GAB2: variants seen among roughly 807,000 people sequenced by gnomAD.
GAB2 encodes GRB2-associated-binding protein 2.
A neutral mutation model predicts 65.5 loss-of-function variants in GAB2; 26 were observed. The ratio of observed to expected loss-of-function variants is 0.40; its 90% CI spans 0.29 to 0.55. The LOEUF (loss-of-function observed/expected upper bound fraction) is 0.55. Ranked by LOEUF, GAB2 falls within the 20% of genes least tolerant of loss-of-function variation. GAB2 has a pLI of 0.53. For synonymous variants in GAB2, 321 were observed against 329.6 expected (o/e 0.97, Z 0.28); for missense variants, 884 against 875.8 (o/e 1.01, Z -0.12).
At chr11:78,293,821 G>C (rs956729196) in intron 1 of GAB2, among the ~76,000 whole-genome samples, 1 of 152,336 alleles carries the variant, frequency 6.6e-6, no homozygotes, top group Middle Eastern at 3.4e-3. Context: ...CCAACCGAGA[G>C]AGAGCAAGAG....
intron 1 of GAB2, among the ~76,000 whole-genome samples, chr11:78,360,938 T>C (rs1418811355): frequency 2.0e-5 from 3 of 151,998 alleles, no homozygotes; most frequent in African/African-American, 7.2e-5. Flanking sequence ...GTAAAGTTCA[T>C]AAAGAAAAAC....
chr11:78,416,247 T>C (rs759974213), intron 1 of GAB2, among the ~76,000 whole-genome samples: 23 of 152,210 alleles, frequency 1.5e-4, no homozygotes, highest in Admixed American at 2.6e-4. Flanking sequence ...TAAATCCACG[T>C]CCACTTTCAA....
At chr11:78,240,689 G>A (rs1015172358) in intron 3 of GAB2, among the ~76,000 whole-genome samples, 1 of 152,164 alleles carries the variant, frequency 6.6e-6, no homozygotes, top group Non-Finnish European at 1.5e-5. Context: ...ATTGACTCAG[G>A]TTCCCAAATT....
intron 1 of GAB2, among the ~76,000 whole-genome samples, chr11:78,415,939 CTTTTT>C (rs1303081510): frequency 3.3e-3 from 421 of 128,998 alleles, no homozygotes; most frequent in African/African-American, 0.011. Context: ...TTAAGGGTCA[CTTTTT>C]TTTTTTTTTT....
At chr11:78,244,633 C>T (rs897380843) in intron 3 of GAB2, among the ~76,000 whole-genome samples, 3 of 86,170 alleles carry the variant, frequency 3.5e-5, no homozygotes, top group African/African-American at 4.9e-5. Flanking sequence ...ATCTTTCAAA[C>T]GAAGACAGAA....
intron 1 of GAB2, among the ~76,000 whole-genome samples, chr11:78,351,982 G>A (rs1013550941): frequency 4.6e-5 from 7 of 152,206 alleles, no homozygotes; most frequent in African/African-American, 1.7e-4. Context: ...GGAGGCCGAA[G>A]TGGAAGGATC....
intron 1 of GAB2, among the ~76,000 whole-genome samples, chr11:78,357,746 T>C (rs1214528845): frequency 6.6e-6 from 1 of 152,140 alleles, no homozygotes; most frequent in African/African-American, 2.4e-5. Context: ...CACAATGAGA[T>C]ACCATCTCAC....
chr11:78,235,749 T>C (rs1393972510), intron 3 of GAB2, among the ~76,000 whole-genome samples: 1 of 152,210 alleles, frequency 6.6e-6, no homozygotes, highest in African/African-American at 2.4e-5. Flanking sequence ...CTGGACCTTA[T>C]TGTCCATATC....
At chr11:78,394,090 C>T (rs1856865462) in intron 1 of GAB2, among the ~76,000 whole-genome samples, 1 of 152,082 alleles carries the variant, frequency 6.6e-6, no homozygotes, top group Admixed American at 6.5e-5. Context: ...AGATCAAGAC[C>T]ATCTTGGCCA....
intron 1 of GAB2, among the ~76,000 whole-genome samples, chr11:78,329,853 T>C (rs1034487764): frequency 1.3e-5 from 2 of 152,228 alleles, no homozygotes; most frequent in Admixed American, 6.5e-5. Flanking sequence ...ATCAATTCCA[T>C]TCCCCTTCTA....
At chr11:78,405,330 C>T (rs914924188) in intron 1 of GAB2, among the ~76,000 whole-genome samples, 1 of 152,116 alleles carries the variant, frequency 6.6e-6, no homozygotes, top group Admixed American at 6.5e-5. Flanking sequence ...GATCTCCTGA[C>T]CTCTGTGATC....
intron 1 of GAB2, among the ~76,000 whole-genome samples, chr11:78,385,940 A>G (rs1028480840): frequency 1.3e-5 from 2 of 150,578 alleles, no homozygotes; most frequent in Non-Finnish European, 3.0e-5. Flanking sequence ...GTATTTTATT[A>G]ATAAAAAAAT....
intron 1 of GAB2, among the ~76,000 whole-genome samples, chr11:78,305,915 A>C (rs1175032879): frequency 1.3e-5 from 2 of 152,180 alleles, no homozygotes; most frequent in South Asian, 4.1e-4. Flanking sequence ...TGAAATTCTA[A>C]ATAAAATTCT....
chr11:78,353,860 A>G (rs1856317483), intron 1 of GAB2, among the ~76,000 whole-genome samples: 1 of 152,214 alleles, frequency 6.6e-6, no homozygotes, highest in African/African-American at 2.4e-5. Context: ...ATTATCAGAT[A>G]ACTCCTGGTA....
chr11:78,398,609 T>C (rs1025101578), intron 1 of GAB2, among the ~76,000 whole-genome samples: 5 of 152,164 alleles, frequency 3.3e-5, no homozygotes, highest in Non-Finnish European at 7.4e-5. Context: ...TATGTAGATA[T>C]AAGTGAAAAA....
At chr11:78,315,019 A>C (rs1855572734) in intron 1 of GAB2, among the ~76,000 whole-genome samples, 1 of 152,210 alleles carries the variant, frequency 6.6e-6, no homozygotes, top group African/African-American at 2.4e-5. Flanking sequence ...ACAGCAGATA[A>C]AGCTCAGAAA....
At chr11:78,375,619 A>G (rs1390162117) in intron 1 of GAB2, among the ~76,000 whole-genome samples, 1 of 152,226 alleles carries the variant, frequency 6.6e-6, no homozygotes, top group Non-Finnish European at 1.5e-5. Context: ...ACCCATTACA[A>G]CTGAGTTTTA....
At chr11:78,232,753 G>T (rs1864878912) in intron 3 of GAB2, among the ~76,000 whole-genome samples, 1 of 152,060 alleles carries the variant, frequency 6.6e-6, no homozygotes, top group African/African-American at 2.4e-5. Flanking sequence ...AATGAAAAAA[G>T]AGATAGATAG....
chr11:78,394,038 C>A (rs1208801856), intron 1 of GAB2, among the ~76,000 whole-genome samples: 1 of 152,236 alleles, frequency 6.6e-6, no homozygotes, highest in Admixed American at 6.5e-5. Flanking sequence ...CCCGTAATCC[C>A]AGCACTTTGG....
Sources: gnomAD v4.1 joint callset for allele counts (sites outside exome capture counted in the v4.1 genomes callset) on GRCh38, gnomAD v4.1.1 for gene constraint, MANE v1.5 for transcripts, NCBI Gene and HGNC (gene_info 2026-07-23, HGNC 2026-07-21) for gene names.